MYO5B: variants seen among roughly 807,000 people sequenced by gnomAD.
MYO5B encodes unconventional myosin-Vb.
MYO5B carries 143 observed loss-of-function variants against 229.3 expected under a neutral mutation model. That is an observed-to-expected ratio of 0.62 (90% CI 0.54 to 0.72). MYO5B has a LOEUF of 0.72. MYO5B is among the 30% of genes least tolerant of loss of function. The pLI is 0.00. For synonymous variants in MYO5B, 918 were observed against 885.2 expected, an observed-to-expected ratio of 1.04 and a Z score of -0.66; for missense variants, 2,321 against 2,331.0, an observed-to-expected ratio of 1.00 and a Z score of 0.09.
chr18:49,853,354 T>C (rs902755492), intron 31 of MYO5B, 95 bp downstream of exon 31: 8 of 1,267,552 alleles, frequency 6.3e-6, no homozygotes, highest in South Asian at 1.2e-5. Context: ...CCAAGGGTCA[T>C]GAACCTTGTC....
intron 1 of MYO5B, among the ~76,000 whole-genome samples, chr18:50,174,008 C>A (rs1330961504): frequency 7.2e-5 from 11 of 152,084 alleles, no homozygotes; most frequent in Non-Finnish European, 1.5e-5. Context: ...AAGGTCTGCC[C>A]TCACCTATAT....
chr18:50,126,437 A>T (rs928253325), intron 1 of MYO5B: 3 of 154,834 alleles, frequency 1.9e-5, no homozygotes, highest in Non-Finnish European at 4.4e-5. Context: ...CAGAGACCAC[A>T]AAGTGAAGAA....
intron 17 of MYO5B, 70 bp from the exon 18 acceptor site, chr18:49,912,243 C>CCCATAGGGAACTGTCTGAGG: frequency 1.8e-6 from 2 of 1,132,198 alleles, no homozygotes; most frequent in Non-Finnish European, 2.7e-6. Flanking sequence ...CAGGCGTGAC[C>CCCATAGGGAACTGTCTGAGG]TCAGACAGTT....
chr18:50,057,073 C>T (rs2030568944), intron 1 of MYO5B, among the ~76,000 whole-genome samples: 1 of 152,160 alleles, frequency 6.6e-6, no homozygotes, highest in African/African-American at 2.4e-5. Flanking sequence ...CATCTGAGAG[C>T]TCCAGAGTAA....
rs2023824367 is a variant in MYO5B, at chr18:49,824,989, T to G, written c.*1482A>C. ...GCAGAAGGTAGCGTGGAGTGTGCTG[T>G]GTTTCCAAGAGCCTTTTAAGTTGGG... On this transcript the variant is annotated 3_prime_UTR_variant, in exon 40 of 40. Coordinates refer to ENST00000285039, the MANE Select transcript of MYO5B (RefSeq NM_001080467.3). The G allele has an allele frequency of 6.6e-6, 1 of 152,248 alleles. No homozygotes were observed. Among genetic ancestry groups the G allele is most frequent in the South Asian group, 2.1e-4 (1 of 4,834 alleles). 9.4% of individuals were successfully genotyped at this position (152,248 alleles called of 1,614,324 possible).
chr18:50,122,498 C>A (rs2032076846), intron 1 of MYO5B, among the ~76,000 whole-genome samples: 1 of 133,868 alleles, frequency 7.5e-6, no homozygotes, highest in East Asian at 2.2e-4. Context: ...ATGATCCCAG[C>A]TACTTGGGAG....
intron 20 of MYO5B, among the ~76,000 whole-genome samples, chr18:49,903,909 T>G (rs1025181944): frequency 6.6e-6 from 1 of 152,144 alleles, no homozygotes; most frequent in Non-Finnish European, 1.5e-5. Context: ...GACCTCACCA[T>G]GTTGGGCTTC....
intron 33 of MYO5B, among the ~76,000 whole-genome samples, 181 bp downstream of exon 33, chr18:49,846,965 G>A (rs557359141): frequency 2.0e-4 from 30 of 151,530 alleles, no homozygotes; most frequent in African/African-American, 7.0e-4. Flanking sequence ...GGAGCTGGGG[G>A]GAGGATGAGA....
intron 17 of MYO5B, among the ~76,000 whole-genome samples, chr18:49,927,320 C>T (rs2025139736): frequency 6.7e-6 from 1 of 150,074 alleles, no homozygotes; most frequent in African/African-American, 2.5e-5. Flanking sequence ...AAATTCAATG[C>T]AATTCCCATC....
At chr18:49,866,830 G>C (rs1359933946) in intron 27 of MYO5B, among the ~76,000 whole-genome samples, 1 of 152,192 alleles carries the variant, frequency 6.6e-6, no homozygotes, top group Non-Finnish European at 1.5e-5. Context: ...AGTGAATCCA[G>C]AGTGACTGGG....
chr18:49,953,692 G>T (rs567930574), intron 13 of MYO5B, among the ~76,000 whole-genome samples: 3 of 152,068 alleles, frequency 2.0e-5, no homozygotes, highest in Non-Finnish European at 4.4e-5. Context: ...AAGAAACACC[G>T]AGCTAGTGCA....
intron 6 of MYO5B, 59 bp downstream of exon 6, chr18:49,992,229 C>G: frequency 1.9e-6 from 3 of 1,609,646 alleles, no homozygotes; most frequent in Non-Finnish European, 2.6e-6. Flanking sequence ...GGGCAGGGAG[C>G]AGAAGTAAGG....
At chr18:49,917,295 A>C (rs954875194) in intron 17 of MYO5B, among the ~76,000 whole-genome samples, 15 of 152,126 alleles carry the variant, frequency 9.9e-5, no homozygotes, top group Non-Finnish European at 1.9e-4. Flanking sequence ...TATTCTCCTG[A>C]CCATTCAACA....
intron 14 of MYO5B, among the ~76,000 whole-genome samples, chr18:49,950,847 C>T (rs2025423607): frequency 6.6e-6 from 1 of 152,184 alleles, no homozygotes; most frequent in Non-Finnish European, 1.5e-5. Context: ...AGCAGGCCTG[C>T]ATCTGCTATC....
Position 49,895,048 on chromosome 18 carries a change from T to A in MYO5B, c.2938A>T (p.Arg980Trp), listed in dbSNP as rs763514366. 10 of 1,613,996 alleles carry A rather than the reference T, an allele frequency of 6.2e-6. No homozygotes were observed. In the Admixed American group the frequency reaches 1.5e-4, roughly 24 times the overall value. Residue 980 changes from arginine (R) to tryptophan (W), a missense_variant, in exon 22 of 40, where the codon AGG (arginine) becomes TGG (tryptophan). Arg to Trp is a moderately radical substitution (Grantham distance 101, BLOSUM62 -3). Coordinates refer to ENST00000285039, the MANE Select transcript of MYO5B (RefSeq NM_001080467.3). ...AGGCTCTCCACCTCCTCCTGCAGCC[T>A]GAGGCTGGTGTCCTCACCTGGGCTC... ...QQSPGEDTSL[R>W]LQEEVESLRT...
chr18:49,855,938 C>T (rs539327021), intron 30 of MYO5B, among the ~76,000 whole-genome samples: 9 of 152,358 alleles, frequency 5.9e-5, no homozygotes, highest in Admixed American at 2.6e-4. Context: ...TGTTGAGTCC[C>T]GGTTTCCTCT....
chr18:49,833,247 G>GT (rs1300300944), intron 39 of MYO5B, among the ~76,000 whole-genome samples: 1 of 152,208 alleles, frequency 6.6e-6, no homozygotes. Context: ...GCTTTGGTGA[G>GT]TTTAACAACT....
chr18:49,923,647 G>T (rs2025099005), intron 17 of MYO5B, among the ~76,000 whole-genome samples: 1 of 152,262 alleles, frequency 6.6e-6, no homozygotes, highest in African/African-American at 2.4e-5. Context: ...CCTGAGCATG[G>T]TCTATGGTTA....
chr18:49,978,832 C>T (rs1313597192), intron 9 of MYO5B, among the ~76,000 whole-genome samples: 9 of 151,880 alleles, frequency 5.9e-5, no homozygotes, highest in East Asian at 1.9e-4. Flanking sequence ...GGGTGTTGGG[C>T]GGGCTGGAGG....
Sources: allele counts gnomAD v4.1 joint callset (sites outside exome capture counted in the v4.1 genomes callset), GRCh38; gene constraint gnomAD v4.1.1; transcripts MANE v1.5; gene names NCBI Gene and HGNC (gene_info 2026-07-23, HGNC 2026-07-21).